The following TBC1D14 variants were observed in gnomAD, a reference collection of about 807,000 sequenced individuals.
The protein encoded by TBC1D14 is TBC1 domain family, member 14.
Under a neutral mutation model 79.0 loss-of-function variants are expected in TBC1D14, and 26 were observed. That is an observed-to-expected ratio of 0.33 (90% CI 0.24 to 0.46). The LOEUF is 0.46. TBC1D14 is among the 20% of genes least tolerant of loss of function. The probability of loss-of-function intolerance (pLI) is 1.00; values close to 1 mark genes in which losing one functional copy is unlikely to be tolerated. For missense variants in TBC1D14, 769 were observed against 887.6 expected (o/e 0.87, Z 1.70); for synonymous variants, 394 against 349.9 (o/e 1.13, Z -1.40).
intron 2 of TBC1D14, among the ~76,000 whole-genome samples, chr4:6,942,348 C>G (rs139606266): frequency 1.3e-5 from 2 of 152,294 alleles, no homozygotes; most frequent in African/African-American, 4.8e-5. Flanking sequence ...TAACTGCGAG[C>G]TGTTTCAACT....
At chr4:6,937,354 GT>G (rs1278356612) in intron 2 of TBC1D14, among the ~76,000 whole-genome samples, 3 of 152,210 alleles carry the variant, frequency 2.0e-5, no homozygotes. Flanking sequence ...TGTTGAACAT[GT>G]TTTTTTATAA....
intron 12 of TBC1D14, among the ~76,000 whole-genome samples, chr4:7,017,498 G>A (rs570453969): frequency 6.6e-5 from 10 of 152,142 alleles, no homozygotes; most frequent in Non-Finnish European, 1.5e-4. Context: ...CCATAGCTCA[G>A]GTTCCAGAGA....
At chr4:6,933,202 G>A (rs1711924921) in intron 2 of TBC1D14, among the ~76,000 whole-genome samples, 1 of 137,672 alleles carries the variant, frequency 7.3e-6, no homozygotes, top group South Asian at 2.4e-4. Flanking sequence ...TGCTTTTAAG[G>A]GCTCACTGAA....
chr4:7,029,006 ATTTG>A (rs1722769162), intron 13 of TBC1D14, among the ~76,000 whole-genome samples: 2 of 151,770 alleles, frequency 1.3e-5, no homozygotes, highest in Admixed American at 6.6e-5. Flanking sequence ...CCCAGCCAAT[ATTTG>A]TTTGTTTTTG....
chr4:6,920,738 CTGT>C (rs1723784414), intron 1 of TBC1D14, among the ~76,000 whole-genome samples: 4 of 152,194 alleles, frequency 2.6e-5, no homozygotes, highest in Admixed American at 2.0e-4. Flanking sequence ...CCTGTTCTTT[CTGT>C]TGTTCTCTTG....
chr4:7,026,725 C>G (rs1329549969), intron 13 of TBC1D14, among the ~76,000 whole-genome samples: 1 of 151,978 alleles, frequency 6.6e-6, no homozygotes, highest in African/African-American at 2.4e-5. Flanking sequence ...AGTGAGACCC[C>G]GTCTCTACAA....
chr4:6,935,618 G>T (rs529754950), intron 2 of TBC1D14, among the ~76,000 whole-genome samples: 1 of 150,342 alleles, frequency 6.7e-6, no homozygotes. Context: ...ATTGTTTGTA[G>T]TGTTGCTTCA....
rs1722966164 is a variant in TBC1D14, at chr4:7,030,709, T to G, written c.*317T>G. The G allele has an allele frequency of 1.2e-5, 3 of 254,132 alleles. No individual in the cohort carries two copies. Among genetic ancestry groups the G allele is most frequent in the Middle Eastern group, 1.5e-3 (1 of 688 alleles). The allele number at this position is 254,132 out of a possible 1,614,324, so 15.7% of individuals were successfully genotyped here. On this transcript the variant is annotated 3_prime_UTR_variant, in exon 14 of 14. Transcript: ENST00000409757. ...GCAAAAGCTAATTAAATTGTAATGT[T>G]TCTATGTCAACTACTGGGAAGTATG...
rs550318443 is a variant in TBC1D14 at position 7,025,462 on chromosome 4, G to A, written c.2016+200G>A. 2.6e-5 allele frequency among the ~76,000 whole-genome samples: 4 copies of A among 152,364 alleles called. No individual in the cohort carries two copies. The East Asian group carries it at 7.7e-4, about 29-fold the overall frequency. On this transcript the variant is annotated intron_variant, in intron 13 of 13. Coordinates refer to ENST00000409757, the MANE Select transcript of TBC1D14 (RefSeq NM_020773.3). ...TCGCCTCCTCTTTGGGTTTCTGTCA[G>A]CTGGATGGGGTGTGGATAATGAAAG...
At chr4:6,949,835 A>T (rs913418533) in intron 2 of TBC1D14, among the ~76,000 whole-genome samples, 1 of 151,498 alleles carries the variant, frequency 6.6e-6, no homozygotes, top group South Asian at 2.1e-4. Context: ...GGATGGTTTT[A>T]CAAATGTCAA....
intron 2 of TBC1D14, among the ~76,000 whole-genome samples, chr4:6,958,970 G>A (rs1384971741): frequency 6.6e-6 from 1 of 151,018 alleles, no homozygotes; most frequent in Non-Finnish European, 1.5e-5. Flanking sequence ...TGCAAGCTCC[G>A]CCTCCCGGGT....
At chr4:6,919,207 C>T (rs1031046135) in intron 1 of TBC1D14, among the ~76,000 whole-genome samples, 1 of 151,378 alleles carries the variant, frequency 6.6e-6, no homozygotes, top group Non-Finnish European at 1.5e-5. Context: ...AGTGCAGTGG[C>T]ATCATTTCAG....
rs750658745 is a variant in TBC1D14, at chr4:6,923,926, C to A, written c.537C>A (p.Asp179Glu). 6.2e-7 allele frequency: 1 copy of A among 1,614,030 alleles called. No individual in the cohort carries two copies. Residue 179 changes from aspartate to glutamate, a missense_variant, in exon 2 of 14, where the codon GAC becomes GAA. Asp to Glu is a conservative substitution (Grantham distance 45). Around this residue, in one of 2 missense-constraint regions of TBC1D14, gnomAD observed 402 missense variants for 393.2 expected, o/e 1.02. Transcript: ENST00000409757. ...CCGTCAGCAATGAGGACATCTTGGA[C>A]CTTGTGGTCACGAGCAGCTCCAGTG... Reference protein sequence around the residue: ...TLSVSNEDILDLVVTSSSSAI... With the variant: ...TLSVSNEDILELVVTSSSSAI...
At chr4:7,015,967 G>A (rs1302407128) in intron 12 of TBC1D14, among the ~76,000 whole-genome samples, 1 of 152,230 alleles carries the variant, frequency 6.6e-6, no homozygotes, top group African/African-American at 2.4e-5. Context: ...TGAACAGATA[G>A]CTGGCTGGTT....
chr4:7,030,226 C>T (rs189039140), intron 13 of TBC1D14, 101 bp from the exon 14 acceptor site: 60 of 1,115,726 alleles, frequency 5.4e-5, no homozygotes, highest in African/African-American at 5.2e-4. Flanking sequence ...AGTGGGGAGC[C>T]GGGGGACCCT....
At chr4:7,027,768 A>AC (rs758603705) in intron 13 of TBC1D14, among the ~76,000 whole-genome samples, 168 of 133,618 alleles carry the variant, frequency 1.3e-3, no homozygotes, top group Non-Finnish European at 1.9e-3. Flanking sequence ...CACCCCACAC[A>AC]CATCACACAT....
chr4:6,936,215 G>A (rs1271741851), intron 2 of TBC1D14, among the ~76,000 whole-genome samples: 2 of 152,200 alleles, frequency 1.3e-5, no homozygotes, highest in Non-Finnish European at 2.9e-5. Flanking sequence ...TGTGCACTCT[G>A]TGGGTTTGGA....
chr4:6,971,914 G>C (rs531883933), intron 3 of TBC1D14, among the ~76,000 whole-genome samples: 291 of 152,344 alleles, frequency 1.9e-3, no homozygotes, highest in African/African-American at 6.6e-3. Context: ...AAGCCCACCG[G>C]CCAGGCAAAT....
chr4:6,990,388 G>T (rs572828331), intron 3 of TBC1D14, among the ~76,000 whole-genome samples: 1 of 152,356 alleles, frequency 6.6e-6, no homozygotes, highest in East Asian at 1.9e-4. Flanking sequence ...GGCAGAGGTT[G>T]CAGTGAGCCA....
Sources: gnomAD v4.1 joint callset for allele counts (sites outside exome capture counted in the v4.1 genomes callset) on GRCh38, gnomAD v4.1.1 for gene constraint, gnomAD v4.1.1 regional missense constraint, MANE v1.5 for transcripts, NCBI Gene and HGNC (gene_info 2026-07-23, HGNC 2026-07-21) for gene names.